The following TAOK3 variants were observed in gnomAD, a reference collection of about 807,000 sequenced individuals.
The protein encoded by TAOK3 is TAO kinase 3.
A neutral mutation model predicts 120.4 loss-of-function variants in TAOK3; 40 were observed. The ratio of observed to expected loss-of-function variants is 0.33; its 90% CI spans 0.26 to 0.43. The LOEUF is 0.43. Among genes scored for constraint, TAOK3 ranks in the 20% least tolerant of loss-of-function variants. TAOK3 has a pLI of 1.00. For missense variants in TAOK3, 821 were observed against 1,112.1 expected (o/e 0.74, Z 3.72); for synonymous variants, 355 against 387.5 (o/e 0.92, Z 0.99).
In TAOK3 at chr12:118,214,130, C is replaced by A; in HGVS notation, c.644-20G>T. On this transcript the variant is annotated intron_variant, in intron 9 of 20. Coordinates refer to ENST00000392533, the MANE Select transcript of TAOK3 (RefSeq NM_016281.4). ...GTTCCGCTGGAAGAGGAAAGAAACA[C>A]AATAAAGTAGTTCTTGAAGGAAACC... 2 of 1,588,532 alleles carry A rather than the reference C, an allele frequency of 1.3e-6. No individual in the cohort carries two copies. Among genetic ancestry groups the A allele is most frequent in the Non-Finnish European group, 1.7e-6 (2 of 1,167,430 alleles).
intron 3 of TAOK3, among the ~76,000 whole-genome samples, chr12:118,253,909 C>T (rs1057253441): frequency 1.3e-5 from 2 of 152,016 alleles, no homozygotes; most frequent in African/African-American, 2.4e-5. Context: ...ATTAGCTGAG[C>T]GTGGTGGCAC....
At chr12:118,157,671 A>G (rs2034933466) in intron 19 of TAOK3, among the ~76,000 whole-genome samples, 1 of 152,134 alleles carries the variant, frequency 6.6e-6, no homozygotes, top group Non-Finnish European at 1.5e-5. Context: ...GACTTTTCCA[A>G]TGTCTGTTTC....
chr12:118,294,598 G>T (rs553723016), intron 1 of TAOK3, among the ~76,000 whole-genome samples: 1 of 152,138 alleles, frequency 6.6e-6, no homozygotes, highest in African/African-American at 2.4e-5. Flanking sequence ...TGACCAGGCT[G>T]GTCTTGAACT....
intron 13 of TAOK3, chr12:118,198,244 T>A (rs2037832219): frequency 6.6e-6 from 1 of 152,328 alleles, no homozygotes; most frequent in African/African-American, 2.4e-5. Context: ...TTCTGACTCA[T>A]CCCCATCTCT....
chr12:118,372,783 C>G lies in TAOK3; in HGVS notation c.-329G>C, dbSNP rs1270437818. 2 of 152,880 alleles carry G rather than the reference C, an allele frequency of 1.3e-5. No individual in the cohort carries two copies. The highest frequency in any genetic ancestry group is 4.8e-5 in the African/African-American group (2 of 41,472). 9.5% of individuals were successfully genotyped at this position (152,880 alleles called of 1,614,324 possible). A position where few individuals can be genotyped will look rare whatever the true frequency, so the allele number is the denominator to read the frequency against. On this transcript the variant is annotated 5_prime_UTR_variant, in exon 1 of 21. Transcript: ENST00000392533. The surrounding 1 kb of genome is among the most constrained non-coding windows in gnomAD (Gnocchi z 4.6). Reference sequence around the variant, plus strand: ...TCCGGTCGCTGAGTGCCGGATCCGGCTGTGCGCAGCCTCTGCTCGCGGTCT... The same window carrying G: ...TCCGGTCGCTGAGTGCCGGATCCGGGTGTGCGCAGCCTCTGCTCGCGGTCT...
intron 1 of TAOK3, among the ~76,000 whole-genome samples, chr12:118,330,668 G>A (rs181350831): frequency 7.0e-6 from 1 of 142,246 alleles, no homozygotes; most frequent in African/African-American, 2.6e-5. Flanking sequence ...GATAAAAAAC[G>A]AGAAGAAAAA....
chr12:118,209,120 T>C (rs867131256), intron 11 of TAOK3, among the ~76,000 whole-genome samples: 12 of 152,206 alleles, frequency 7.9e-5, no homozygotes, highest in Middle Eastern at 3.2e-3. Flanking sequence ...CTAAATGCGT[T>C]GGTTAAACAA....
chr12:118,363,448 A>T (rs2045658846), intron 1 of TAOK3, among the ~76,000 whole-genome samples: 1 of 152,190 alleles, frequency 6.6e-6, no homozygotes, highest in Non-Finnish European at 1.5e-5. Flanking sequence ...TAAAATTAAG[A>T]ATATGGATAT....
chr12:118,184,826 A>G (rs1418267538), intron 14 of TAOK3, among the ~76,000 whole-genome samples: 1 of 152,226 alleles, frequency 6.6e-6, no homozygotes, highest in Non-Finnish European at 1.5e-5. Flanking sequence ...CTCTTACTAT[A>G]TAATTGACCT....
At chr12:118,308,930 C>CAAAAAAAAAAAAAA (rs1208470509) in intron 1 of TAOK3, among the ~76,000 whole-genome samples, 1 of 36,730 alleles carries the variant, frequency 2.7e-5, no homozygotes. Flanking sequence ...AACTCTGTCT[C>CAAAAAAAAAAAAAA]CAAAAAAAAA....
chr12:118,212,207 G>A (rs374733259), intron 11 of TAOK3, among the ~76,000 whole-genome samples: 1 of 152,112 alleles, frequency 6.6e-6, no homozygotes, highest in African/African-American at 2.4e-5. Flanking sequence ...TTCTAGAGAC[G>A]GAAGAAACAG....
intron 11 of TAOK3, among the ~76,000 whole-genome samples, chr12:118,212,685 G>C (rs906214151): frequency 1.3e-5 from 2 of 152,092 alleles, no homozygotes; most frequent in Non-Finnish European, 2.9e-5. Flanking sequence ...CAGGGAGGGA[G>C]GGGAAAAAAT....
chr12:118,203,935 C>T (rs1020538332), intron 11 of TAOK3, among the ~76,000 whole-genome samples: 1 of 152,070 alleles, frequency 6.6e-6, no homozygotes, highest in Admixed American at 6.6e-5. Context: ...CCTTTTATGC[C>T]TCAAGAGTTC....
At chr12:118,172,709 C>T (rs760314265) in intron 16 of TAOK3, 49 bp from the exon 17 acceptor site, 1 of 1,472,358 alleles carries the variant, frequency 6.8e-7, no homozygotes, top group Non-Finnish European at 9.5e-7. Context: ...ATGAAAGGGA[C>T]TGTAACAGCT....
chr12:118,268,736 C>T (rs568938143), intron 1 of TAOK3, among the ~76,000 whole-genome samples: 2 of 152,332 alleles, frequency 1.3e-5, no homozygotes, highest in Non-Finnish European at 2.9e-5. Context: ...CAGCTAGGCA[C>T]AGTGGCTCAC....
chr12:118,331,015 T>G (rs1474566669), intron 1 of TAOK3, among the ~76,000 whole-genome samples: 2 of 152,180 alleles, frequency 1.3e-5, no homozygotes, highest in Non-Finnish European at 2.9e-5. Context: ...AACTCTAGAT[T>G]ATGGCATACA....
intron 13 of TAOK3, among the ~76,000 whole-genome samples, chr12:118,191,894 T>C (rs708867): frequency 0.66 from 100,237 of 152,062 alleles, 33,280 homozygotes; most frequent in South Asian, 0.72. Flanking sequence ...TATAGGAGGC[T>C]TTAACAAGTC....
At chr12:118,319,480 C>T (rs1040369525) in intron 1 of TAOK3, among the ~76,000 whole-genome samples, 29 of 151,870 alleles carry the variant, frequency 1.9e-4, no homozygotes, top group African/African-American at 7.2e-5. Context: ...TATAACTTAA[C>T]AACAAAAAGA....
chr12:118,318,258 A>G (rs1159126855), intron 1 of TAOK3, among the ~76,000 whole-genome samples: 1 of 151,664 alleles, frequency 6.6e-6, no homozygotes, highest in Non-Finnish European at 1.5e-5. Context: ...CCTGGGTTCA[A>G]GCGATTCTCC....
Sources: allele counts gnomAD v4.1 joint callset (sites outside exome capture counted in the v4.1 genomes callset), GRCh38; gene constraint gnomAD v4.1.1; non-coding constraint Gnocchi (gnomAD v3.1); transcripts MANE v1.5; gene names NCBI Gene and HGNC (gene_info 2026-07-23, HGNC 2026-07-21).